PHF20: variants seen among roughly 807,000 people sequenced by gnomAD.
The protein encoded by PHF20 is PHD finger protein 20.
Under a neutral mutation model 113.5 loss-of-function variants are expected in PHF20, and 23 were observed. The ratio of observed to expected loss-of-function variants is 0.20; its 90% CI spans 0.15 to 0.29. PHF20 has a LOEUF of 0.29. PHF20 is among the 10% of genes least tolerant of loss of function. The pLI is 1.00. For missense variants in PHF20, 943 were observed against 1,219.6 expected, an observed-to-expected ratio of 0.77 and a Z score of 3.38; for synonymous variants, 434 against 457.3, an observed-to-expected ratio of 0.95 and a Z score of 0.65.
chr20:35,919,889 T>C (rs2055479155), intron 13 of PHF20, among the ~76,000 whole-genome samples: 1 of 152,360 alleles, frequency 6.6e-6, no homozygotes, highest in South Asian at 2.1e-4. Context: ...TCTGCTGGTC[T>C]TCCTCCCATG....
intron 2 of PHF20, among the ~76,000 whole-genome samples, chr20:35,839,755 G>A (rs887454184): frequency 6.6e-6 from 1 of 152,142 alleles, no homozygotes; most frequent in Non-Finnish European, 1.5e-5. Flanking sequence ...TAGCAATTAG[G>A]AATTATGGAA....
intron 13 of PHF20, among the ~76,000 whole-genome samples, chr20:35,925,383 C>T (rs776176190): frequency 6.6e-6 from 1 of 151,960 alleles, no homozygotes; most frequent in Non-Finnish European, 1.5e-5. Context: ...CTGCTTCAGC[C>T]TCCCAAGTAG....
chr20:35,819,503 A>G (rs1209782480), intron 2 of PHF20, among the ~76,000 whole-genome samples: 1 of 152,116 alleles, frequency 6.6e-6, no homozygotes, highest in Non-Finnish European at 1.5e-5. Context: ...AGTTGATCAT[A>G]GTTCGCTTCC....
chr20:35,888,668 C>G (rs546376232), intron 9 of PHF20, among the ~76,000 whole-genome samples: 1 of 152,184 alleles, frequency 6.6e-6, no homozygotes, highest in South Asian at 2.1e-4. Context: ...CCTGTAATCC[C>G]AGCACTCTGG....
At chr20:35,937,202 C>A (rs1278453654) in intron 15 of PHF20, among the ~76,000 whole-genome samples, 1 of 152,082 alleles carries the variant, frequency 6.6e-6, no homozygotes, top group Non-Finnish European at 1.5e-5. Context: ...CTTGGTGGCT[C>A]ACGCCTTTGG....
intron 1 of PHF20, among the ~76,000 whole-genome samples, chr20:35,791,461 CTATCTATCTAT>C (rs1569120208): frequency 2.3e-5 from 3 of 132,928 alleles, no homozygotes; most frequent in Non-Finnish European, 4.7e-5. Flanking sequence ...ATCTATCTAT[CTATCTATCTAT>C]CTATCTATCT....
At chr20:35,941,422 C>T (rs1428883467) in intron 17 of PHF20, among the ~76,000 whole-genome samples, 1 of 152,174 alleles carries the variant, frequency 6.6e-6, no homozygotes, top group Non-Finnish European at 1.5e-5. Flanking sequence ...AGGATTTAAT[C>T]TGAAAAACCT....
At chr20:35,931,621 G>T (rs1231612909) in intron 15 of PHF20, among the ~76,000 whole-genome samples, 177 bp downstream of exon 15, 1 of 151,820 alleles carries the variant, frequency 6.6e-6, no homozygotes, top group Non-Finnish European at 1.5e-5. Flanking sequence ...AAACTTTATT[G>T]AGTAATATCT....
At chr20:35,911,491 T>C (rs776126481) in intron 10 of PHF20, among the ~76,000 whole-genome samples, 2 of 152,240 alleles carry the variant, frequency 1.3e-5, no homozygotes, top group Non-Finnish European at 2.9e-5. Flanking sequence ...TAAGTCTCTA[T>C]GTGGACGTAA....
chr20:35,842,447 G>A, intron 2 of PHF20, 126 bp from the exon 3 acceptor site: 3 of 772,666 alleles, frequency 3.9e-6, no homozygotes, highest in Non-Finnish European at 6.3e-6. Context: ...CAACTACACA[G>A]AGTCTCTAAA....
intron 12 of PHF20, 44 bp downstream of exon 12, chr20:35,914,241 G>T: frequency 6.3e-7 from 1 of 1,581,966 alleles, no homozygotes; most frequent in South Asian, 1.1e-5. Context: ...ATCATTTATT[G>T]GAAAATACAA....
chr20:35,929,632 T>C (rs2055712146), intron 14 of PHF20, among the ~76,000 whole-genome samples: 3 of 152,270 alleles, frequency 2.0e-5, no homozygotes, highest in African/African-American at 7.2e-5. Flanking sequence ...TTTAAAAATC[T>C]TTTTTTCCCT....
chr20:35,908,701 C>A (rs1313828794), intron 10 of PHF20, among the ~76,000 whole-genome samples: 1 of 152,162 alleles, frequency 6.6e-6, no homozygotes, highest in African/African-American at 2.4e-5. Context: ...AAGCCAACTT[C>A]CTCACAGGGC....
At chr20:35,820,445 C>CT (rs369532387) in intron 2 of PHF20, among the ~76,000 whole-genome samples, 19,020 of 129,588 alleles carry the variant, frequency 0.15, 1,697 homozygotes, top group African/African-American at 0.19. Flanking sequence ...GGAATAAGTA[C>CT]TTTTTTTTTT....
chr20:35,888,555 G>A (rs1048196211), intron 9 of PHF20, among the ~76,000 whole-genome samples: 12 of 152,136 alleles, frequency 7.9e-5, no homozygotes, highest in African/African-American at 2.4e-4. Context: ...ACTGGTTTCA[G>A]TAGATGACCT....
At chr20:35,935,610 G>T (rs1912663538) in intron 15 of PHF20, among the ~76,000 whole-genome samples, 1 of 152,128 alleles carries the variant, frequency 6.6e-6, no homozygotes, top group South Asian at 2.1e-4. Flanking sequence ...CAAGTGCTTT[G>T]TCTGCCTCGG....
At chr20:35,837,046 G>A (rs1309518821) in intron 2 of PHF20, among the ~76,000 whole-genome samples, 2 of 150,400 alleles carry the variant, frequency 1.3e-5, no homozygotes, top group Non-Finnish European at 1.5e-5. Flanking sequence ...GCATGGTGGC[G>A]TGAGCCTGTA....
At chr20:35,899,744 C>A in intron 10 of PHF20, 96 bp downstream of exon 10, 1 of 1,324,888 alleles carries the variant, frequency 7.5e-7, no homozygotes. Context: ...TTAGGTTTGT[C>A]TGTTCCAGTT....
At chr20:35,815,495 CTG>C (rs112143316) in intron 2 of PHF20, among the ~76,000 whole-genome samples, 7,254 of 151,948 alleles carry the variant, frequency 0.048, 210 homozygotes, top group African/African-American at 0.089. Flanking sequence ...CAGAGTCTTG[CTG>C]TGTGTCTCCC....
Sources: gnomAD v4.1 joint callset for allele counts (sites outside exome capture counted in the v4.1 genomes callset) on GRCh38, gnomAD v4.1.1 for gene constraint, MANE v1.5 for transcripts, NCBI Gene and HGNC (gene_info 2026-07-23, HGNC 2026-07-21) for gene names.